Variants in DIPK2A observed in about 807,000 individuals in gnomAD.
DIPK2A encodes Golgi Protein of 49 kDa.
Under a neutral mutation model 39.0 loss-of-function variants are expected in DIPK2A, and 27 were observed. The observed-to-expected ratio is 0.69, with a 90% CI of 0.51 to 0.96. The LOEUF (loss-of-function observed/expected upper bound fraction) is 0.96. Ranked by LOEUF, DIPK2A falls within the 40% of genes least tolerant of loss-of-function variation. The pLI is 0.00. For missense variants in DIPK2A, 528 were observed against 571.3 expected (o/e 0.92, Z 0.77); for synonymous variants, 298 against 240.8 (o/e 1.24, Z -2.20).
Position 143,973,278 on chromosome 3 carries a change from A to G in DIPK2A, c.657+289A>G, listed in dbSNP as rs759179974. The G allele has an allele frequency of 5.8e-5, 84 of 1,444,246 alleles. No homozygotes were observed. The African/African-American group carries it at 1.0e-3, about 17-fold the overall frequency. 89.5% of individuals were successfully genotyped at this position (1,444,246 alleles called of 1,614,324 possible). On this transcript the variant is annotated intron_variant, in intron 1 of 2. Transcript: ENST00000315691. The stretch of plus-strand genomic sequence containing the variant: ...GGAGTGCGTCTCTTAACACTCCCCA[A>G]AATGTCTCTACTGCGAGTTTCCTTC...
intron 1 of DIPK2A, among the ~76,000 whole-genome samples, chr3:143,977,265 T>A (rs1268678471): frequency 1.3e-5 from 2 of 152,120 alleles, no homozygotes; most frequent in African/African-American, 4.8e-5. Flanking sequence ...AGCTATTGGA[T>A]TAGATCCTTT....
intron 1 of DIPK2A, among the ~76,000 whole-genome samples, chr3:143,981,872 C>T (rs555287014): frequency 4.6e-5 from 7 of 152,244 alleles, no homozygotes; most frequent in Admixed American, 3.3e-4. Flanking sequence ...TTAGGTAAAT[C>T]GTTTAACACT....
chr3:143,980,622 A>G (rs1013548985), intron 1 of DIPK2A, among the ~76,000 whole-genome samples: 2 of 138,826 alleles, frequency 1.4e-5, no homozygotes, highest in African/African-American at 5.5e-5. Flanking sequence ...AGTGTTTTCA[A>G]GCTTAAACTT....
In DIPK2A at chr3:143,990,109, TA is replaced by T. The variant is rs1197421105; in HGVS notation, c.*270del. ...ACTACCCCGGAATGCTTGAGTGGAT[TA>T]ATGAATATTGTTAAGCTATTGGAAA... On this transcript the variant is annotated 3_prime_UTR_variant, in exon 3 of 3. Transcript: ENST00000315691. 5.2e-5 allele frequency: 20 copies of T among 386,796 alleles called. No individual in the cohort carries two copies. In the East Asian group the frequency reaches 9.2e-4, roughly 18 times the overall value. The allele number at this position is 386,796 out of a possible 1,614,324, so 24.0% of individuals were successfully genotyped here. A position where few individuals can be genotyped will look rare whatever the true frequency, so the allele number is the denominator to read the frequency against.
At position 143,990,036 on chromosome 3, in the gene DIPK2A, A is replaced by G; in HGVS notation, c.*195A>G. 1.7e-6 allele frequency: 1 copy of G among 582,290 alleles called. No individual in the cohort carries two copies. Among genetic ancestry groups the G allele is most frequent in the Non-Finnish European group, 3.0e-6 (1 of 329,212 alleles). 36.1% of individuals were successfully genotyped at this position (582,290 alleles called of 1,614,324 possible). On this transcript the variant is annotated 3_prime_UTR_variant, in exon 3 of 3. Coordinates refer to ENST00000315691, the MANE Select transcript of DIPK2A (RefSeq NM_173552.5). ...AAATCACATGATGCTTCTGCAAATA[A>G]GTATGTTCTTATACTTTGGAGGCTT... is the stretch of plus-strand genomic sequence containing the variant.
rs766029316 is a variant in DIPK2A at position 143,972,522 on chromosome 3, T to TGCC, written c.196_198dup (p.Arg66dup). The TGCC allele has an allele frequency of 1.2e-6, 2 of 1,611,872 alleles. No individual in the cohort carries two copies. Among genetic ancestry groups the TGCC allele is most frequent in the Admixed American group, 1.7e-5 (1 of 59,966 alleles). On this transcript the variant is annotated inframe_insertion, in exon 1 of 3. Transcript: ENST00000315691. Reference sequence around the variant, plus strand: ...CCCGGCGTGCTTCGGCACGAGCTGGTGCCGCCGCTTCCTCAACGGGCAGGT... The same window carrying TGCC: ...CCCGGCGTGCTTCGGCACGAGCTGGTGCCGCCGCCGCTTCCTCAACGGGCAGGT...
Position 143,987,182 on chromosome 3 carries a change from C to A in DIPK2A, c.961+1336C>A, listed in dbSNP as rs947514954. On this transcript the variant is annotated intron_variant, in intron 2 of 2. Transcript: ENST00000315691. Reference sequence around the variant, plus strand: ...CCTACATCTGTGAATATTGTAGCAGCGTATACTATTCTTTCTTTTTTAAAG... The same window carrying A: ...CCTACATCTGTGAATATTGTAGCAGAGTATACTATTCTTTCTTTTTTAAAG... 2.6e-5 allele frequency among the ~76,000 whole-genome samples: 4 copies of A among 152,206 alleles called. No homozygotes were observed. In the South Asian group the frequency reaches 8.3e-4, roughly 32 times the overall value.
intron 1 of DIPK2A, among the ~76,000 whole-genome samples, chr3:143,984,505 G>GCTCCTC (rs1459239829): frequency 2.9e-4 from 44 of 151,874 alleles, no homozygotes; most frequent in South Asian, 1.9e-3. Context: ...GGCCTGAGGA[G>GCTCCTC]AGGCCTCCCT....
intron 1 of DIPK2A, 50 bp downstream of exon 1, chr3:143,973,039 G>C (rs757016258): frequency 6.5e-7 from 1 of 1,529,886 alleles, no homozygotes; most frequent in East Asian, 2.4e-5. Context: ...CCGCGCGTGG[G>C]AATCAGAGTC....
chr3:143,976,556 G>GTGTGTGAGAC (rs1559853356), intron 1 of DIPK2A, among the ~76,000 whole-genome samples: 1 of 105,514 alleles, frequency 9.5e-6, no homozygotes, highest in African/African-American at 6.7e-5. Flanking sequence ...GTGTGTGTGT[G>GTGTGTGAGAC]AGAGAGAGAG....
At chr3:143,973,733 T>C (rs1327706491) in intron 1 of DIPK2A, 2 of 616,964 alleles carry the variant, frequency 3.2e-6, no homozygotes, top group Non-Finnish European at 5.8e-6. Context: ...AGATGAAATA[T>C]TAGGCCAGGG....
intron 1 of DIPK2A, among the ~76,000 whole-genome samples, chr3:143,974,691 C>T (rs1423964808): frequency 6.6e-6 from 1 of 152,044 alleles, no homozygotes; most frequent in Admixed American, 6.5e-5. Flanking sequence ...GCTGGCGTCC[C>T]TACCGAAAGA....
chr3:143,980,875 T>G (rs2087819084), intron 1 of DIPK2A, among the ~76,000 whole-genome samples: 1 of 152,178 alleles, frequency 6.6e-6, no homozygotes, highest in Non-Finnish European at 1.5e-5. Context: ...TATAAAATAT[T>G]TTATATTGTA....
chr3:143,973,612 A>G, intron 1 of DIPK2A: 1 of 1,399,062 alleles, frequency 7.1e-7, no homozygotes. Context: ...AATCAGAAAC[A>G]GGAAAAGTAA....
intron 2 of DIPK2A, among the ~76,000 whole-genome samples, chr3:143,987,845 C>A (rs186639258): frequency 1.1e-4 from 16 of 152,152 alleles, no homozygotes; most frequent in African/African-American, 3.9e-4. Flanking sequence ...TGACGTAGAC[C>A]TCTGCCTTGC....
rs943290760 is a variant in DIPK2A, at chr3:143,975,878, T to G, written c.657+2889T>G. On this transcript the variant is annotated intron_variant, in intron 1 of 2. Transcript: ENST00000315691. ...TTGAACTGACTTCATCCAAGTATTC[T>G]TAACAAAACTTCCAGTATCGTAAGC... 3.3e-5 allele frequency among the ~76,000 whole-genome samples: 5 copies of G among 152,102 alleles called. No homozygotes were observed. The East Asian group carries it at 9.6e-4, about 29-fold the overall frequency.
intron 1 of DIPK2A, among the ~76,000 whole-genome samples, chr3:143,979,164 A>T (rs2087792317): frequency 6.6e-6 from 1 of 152,156 alleles, no homozygotes; most frequent in Non-Finnish European, 1.5e-5. Context: ...GCAGACATTC[A>T]AATGTCACTG....
chr3:143,972,912 C>T lies in DIPK2A; in HGVS notation c.580C>T (p.Leu194Phe), dbSNP rs1235739562. 2.5e-6 allele frequency: 4 copies of T among 1,587,538 alleles called. No individual in the cohort carries two copies. Among genetic ancestry groups the T allele is most frequent in the South Asian group, 1.1e-5 (1 of 87,874 alleles). The change falls in exon 1 of 3, where the codon CTT becomes TTT. Residue 194 changes from leucine (L) to phenylalanine (F), a missense_variant. Coordinates refer to ENST00000315691, the MANE Select transcript of DIPK2A (RefSeq NM_173552.5). The stretch of plus-strand genomic sequence containing the variant: ...GACCAAGGACTCGGGCAGCTTCCTG[C>T]TTCGCAACCTCAAGGACTCGGAGCG... ...AETKDSGSFL[L>F]RNLKDSERMQ...
At position 143,980,401 on chromosome 3, in the gene DIPK2A, G is replaced by A. The variant is rs556604781; in HGVS notation, c.658-5142G>A. Among the ~76,000 whole-genome samples the A allele has an allele frequency of 3.9e-5, 6 of 152,156 alleles. No individual in the cohort carries two copies. The East Asian group carries it at 1.2e-3, about 29-fold the overall frequency. On this transcript the variant is annotated intron_variant, in intron 1 of 2. Coordinates refer to ENST00000315691, the MANE Select transcript of DIPK2A (RefSeq NM_173552.5). ...TCCTGCCTCAGCCTCCCGAGTAGCT[G>A]GGATTACAGGTGCTCACCACCACGC... is the stretch of plus-strand genomic sequence containing the variant.
Sources: allele counts gnomAD v4.1 joint callset (sites outside exome capture counted in the v4.1 genomes callset), GRCh38; gene constraint gnomAD v4.1.1; transcripts MANE v1.5; gene names NCBI Gene and HGNC (gene_info 2026-07-23, HGNC 2026-07-21).